The following BLNK variants were observed in gnomAD, a reference collection of about 807,000 sequenced individuals.
BLNK encodes the protein B-cell linker protein.
Under a neutral mutation model 73.5 loss-of-function variants are expected in BLNK, and 29 were observed. The ratio of observed to expected loss-of-function variants is 0.39; its 90% confidence interval spans 0.29 to 0.54. BLNK has a LOEUF of 0.54. BLNK is among the 20% of genes least tolerant of loss of function. The pLI is 0.61. For synonymous variants in BLNK, 176 were observed against 200.8 expected (o/e 0.88, Z 1.04); for missense variants, 460 against 562.8 (o/e 0.82, Z 1.85).
At position 96,223,812 on chromosome 10, in the gene BLNK, C is replaced by G; in HGVS notation, c.525+14G>C. On this transcript the variant is annotated intron_variant, in intron 6 of 16. Transcript: ENST00000224337. ...TCTGTGTCCTGGGAAGCCTTTGGCACAGATTTACTTTACCTCATCCTCAAG... is the reference window on the plus strand; with the variant it reads ...TCTGTGTCCTGGGAAGCCTTTGGCAGAGATTTACTTTACCTCATCCTCAAG... 1 of 1,613,426 alleles carries G rather than the reference C, an allele frequency of 6.2e-7. No individual in the cohort carries two copies.
intron 1 of BLNK, among the ~76,000 whole-genome samples, chr10:96,268,576 T>A (rs1481751909): frequency 6.6e-6 from 1 of 152,040 alleles, no homozygotes; most frequent in Admixed American, 6.6e-5. Flanking sequence ...ATCTCACCTA[T>A]CTCTATTCTT....
At chr10:96,248,288 A>T (rs1050472343) in intron 1 of BLNK, among the ~76,000 whole-genome samples, 4 of 152,250 alleles carry the variant, frequency 2.6e-5, no homozygotes, top group Non-Finnish European at 5.9e-5. Flanking sequence ...AAGAAATCTT[A>T]CAACTCAGTA....
intron 1 of BLNK, among the ~76,000 whole-genome samples, chr10:96,265,697 G>C (rs1159130889): frequency 6.6e-6 from 1 of 152,214 alleles, no homozygotes; most frequent in Non-Finnish European, 1.5e-5. Context: ...TGCCTATTCT[G>C]AACTTTAAAT....
rs1394723716 is a variant in BLNK, at chr10:96,200,850, A to T, written c.1011+132T>A. The T allele has an allele frequency of 6.9e-6, 6 of 867,264 alleles. No homozygotes were observed. The highest frequency in any genetic ancestry group is 1.2e-5 in the Non-Finnish European group (6 of 509,834). The allele number at this position is 867,264 out of a possible 1,614,324, so 53.7% of individuals were successfully genotyped here. A position where few individuals can be genotyped will look rare whatever the true frequency, so the allele number is the denominator to read the frequency against. Reference sequence around the variant, plus strand: ...GGTATTCTGTCCCTATTACCAAATGACAGTTCACATAATGATGTAAAATAC... The same window carrying T: ...GGTATTCTGTCCCTATTACCAAATGTCAGTTCACATAATGATGTAAAATAC... On this transcript the variant is annotated intron_variant, in intron 14 of 16. Coordinates refer to ENST00000224337, the MANE Select transcript of BLNK (RefSeq NM_013314.4). This position sits in a 1 kb window ranked among gnomAD's most constrained non-coding sequence, Gnocchi z 4.3.
intron 13 of BLNK, 26 bp from the exon 14 acceptor site, chr10:96,201,084 A>G: frequency 6.3e-7 from 1 of 1,587,868 alleles, no homozygotes; most frequent in Admixed American, 1.7e-5. Flanking sequence ...AAAGTCCTTC[A>G]ATTAATCTTC....
At chr10:96,237,849 T>C (rs1256837781) in intron 3 of BLNK, among the ~76,000 whole-genome samples, 1 of 152,164 alleles carries the variant, frequency 6.6e-6, no homozygotes, top group Non-Finnish European at 1.5e-5. Flanking sequence ...TTGGACAGGA[T>C]ACTTAATGTC....
In BLNK at chr10:96,192,102, G is replaced by A; in HGVS notation, c.1252-10C>T. ...CAACACTTCCAAAGTACTAGAGGAA[G>A]AAAACATAGATGAATTATACTTTGG... On this transcript the variant is annotated splice_polypyrimidine_tract_variant and intron_variant, in intron 16 of 16. Transcript: ENST00000224337. 17 of 1,613,344 alleles carry A rather than the reference G, an allele frequency of 1.1e-5. No individual in the cohort carries two copies. The highest frequency in any genetic ancestry group is 1.4e-5 in the Non-Finnish European group (16 of 1,179,608).
chr10:96,200,036 A>G lies in BLNK; in HGVS notation c.1095+39T>C, dbSNP rs766987150. On this transcript the variant is annotated intron_variant, in intron 15 of 16. Coordinates refer to ENST00000224337, the MANE Select transcript of BLNK (RefSeq NM_013314.4). The surrounding 1 kb of genome is among the most constrained non-coding windows in gnomAD (Gnocchi z 4.3). The stretch of plus-strand genomic sequence containing the variant: ...CATCTCAAAACAAATAAATAAAATA[A>G]AATAAAATAAAAATAATAAATAATA... 1 of 1,301,246 alleles carries G rather than the reference A, an allele frequency of 7.7e-7. No homozygotes were observed. The highest frequency in any genetic ancestry group is 1.0e-6 in the Non-Finnish European group (1 of 999,066). 80.6% of individuals were successfully genotyped at this position (1,301,246 alleles called of 1,614,324 possible).
Sources: gnomAD v4.1 joint callset for allele counts (sites outside exome capture counted in the v4.1 genomes callset) on GRCh38, gnomAD v4.1.1 for gene constraint, Gnocchi (gnomAD v3.1) non-coding constraint, MANE v1.5 for transcripts, NCBI Gene and HGNC (gene_info 2026-07-23, HGNC 2026-07-21) for gene names.